Variants in DHTKD1 observed in about 807,000 individuals in gnomAD.
DHTKD1 encodes the protein 2-oxoadipate dehydrogenase complex component E1.
Under a neutral mutation model 101.8 loss-of-function variants are expected in DHTKD1, and 78 were observed. That is an observed-to-expected ratio of 0.77 (90% CI 0.64 to 0.93). DHTKD1 has a LOEUF of 0.93. DHTKD1 is among the 40% of genes least tolerant of loss of function. The pLI is 0.00. For synonymous variants in DHTKD1, 462 were observed against 450.3 expected (o/e 1.03, Z -0.33); for missense variants, 1,223 against 1,161.7 (o/e 1.05, Z -0.77).
chr10:12,075,501 A>G (rs1414857033), intron 1 of DHTKD1, among the ~76,000 whole-genome samples: 4 of 152,038 alleles, frequency 2.6e-5, no homozygotes, highest in Non-Finnish European at 5.9e-5. Flanking sequence ...CGGTCTACCA[A>G]AGTGCTGGGA....
chr10:12,112,756 T>G, intron 12 of DHTKD1, 144 bp from the exon 13 acceptor site: 1 of 761,450 alleles, frequency 1.3e-6, no homozygotes, highest in Non-Finnish European at 2.0e-6. Flanking sequence ...TAAATTCACC[T>G]GCTGATATTT....
At position 12,081,460 on chromosome 10, in the gene DHTKD1, C is replaced by T. The variant is rs1462734282; in HGVS notation, c.155-12C>T. 6.2e-7 allele frequency: 1 copy of T among 1,612,970 alleles called. No homozygotes were observed. The highest frequency in any genetic ancestry group is 1.1e-5 in the South Asian group (1 of 91,028). On this transcript the variant is annotated splice_polypyrimidine_tract_variant and intron_variant, in intron 1 of 16. Transcript: ENST00000263035. ...TAAACTGTTTGCATTTTTAAATTTTCCCCTGATTTAGTTGATCATGGCCTT... is the reference window on the plus strand; with the variant it reads ...TAAACTGTTTGCATTTTTAAATTTTTCCCTGATTTAGTTGATCATGGCCTT...
intron 14 of DHTKD1, among the ~76,000 whole-genome samples, chr10:12,118,476 G>A (rs1426708559): frequency 2.0e-5 from 3 of 149,730 alleles, no homozygotes; most frequent in Non-Finnish European, 3.0e-5. Context: ...TCCGCCTCCC[G>A]GGTTCACGCC....
At chr10:12,074,172 TTTTTG>T (rs71382614) in intron 1 of DHTKD1, among the ~76,000 whole-genome samples, 270 of 150,534 alleles carry the variant, frequency 1.8e-3, no homozygotes, top group African/African-American at 5.0e-3. Flanking sequence ...AAAGTTTTGC[TTTTTG>T]TTTTGTTTTG....
intron 12 of DHTKD1, among the ~76,000 whole-genome samples, chr10:12,108,726 A>G (rs1833285688): frequency 6.6e-6 from 1 of 152,210 alleles, no homozygotes; most frequent in Non-Finnish European, 1.5e-5. Flanking sequence ...GAAAGAATTT[A>G]CTGTGAATAC....
At chr10:12,119,415 A>G (rs541401816) in intron 15 of DHTKD1, among the ~76,000 whole-genome samples, 2 of 151,198 alleles carry the variant, frequency 1.3e-5, no homozygotes, top group African/African-American at 4.9e-5. Context: ...GGAGATCAAG[A>G]CCATCCTGGC....
At chr10:12,119,624 A>G (rs929305935) in intron 15 of DHTKD1, among the ~76,000 whole-genome samples, 6 of 151,556 alleles carry the variant, frequency 4.0e-5, no homozygotes, top group African/African-American at 7.3e-5. Context: ...TCAAAAAAAA[A>G]AAAAAAAAAA....
chr10:12,091,726 T>G (rs371139215), intron 6 of DHTKD1, 42 bp downstream of exon 6: 159 of 1,591,000 alleles, frequency 1.0e-4, no homozygotes, highest in Non-Finnish European at 1.3e-4. Context: ...GAAGCCGACA[T>G]GGAATTCCTA....
At chr10:12,115,799 G>A (rs952720176) in intron 13 of DHTKD1, among the ~76,000 whole-genome samples, 1 of 151,682 alleles carries the variant, frequency 6.6e-6, no homozygotes, top group Non-Finnish European at 1.5e-5. Flanking sequence ...TGAGAGTCTC[G>A]CTTTGTTGCC....
chr10:12,083,330 A>C (rs1588605054), intron 2 of DHTKD1, among the ~76,000 whole-genome samples: 1 of 152,314 alleles, frequency 6.6e-6, no homozygotes, highest in Admixed American at 6.5e-5. Flanking sequence ...AAGAAAGTTT[A>C]TTCATTTGTG....
At chr10:12,114,760 C>T (rs1339522581) in intron 13 of DHTKD1, among the ~76,000 whole-genome samples, 1 of 125,320 alleles carries the variant, frequency 8.0e-6, no homozygotes, top group African/African-American at 3.0e-5. Flanking sequence ...TTTGCTTCCA[C>T]CCCTTGGTTG....
intron 1 of DHTKD1, among the ~76,000 whole-genome samples, chr10:12,079,998 T>TG (rs1393432472): frequency 4.6e-5 from 7 of 152,008 alleles, no homozygotes; most frequent in African/African-American, 1.7e-4. Context: ...AGGTGTGCTT[T>TG]GGCTGGGTGA....
intron 13 of DHTKD1, among the ~76,000 whole-genome samples, chr10:12,117,399 C>T (rs967096779): frequency 8.3e-5 from 12 of 143,730 alleles, no homozygotes; most frequent in Admixed American, 3.7e-4. Flanking sequence ...GTTGCCCAGG[C>T]GGGTCTTGAA....
At position 12,091,563 on chromosome 10, in the gene DHTKD1, C is replaced by T. The variant is rs772738320; in HGVS notation, c.1038C>T (p.Phe346=). 2 of 1,612,836 alleles carry T rather than the reference C, an allele frequency of 1.2e-6. No individual in the cohort carries two copies. Among genetic ancestry groups the T allele is most frequent in the Admixed American group, 1.7e-5 (1 of 59,946 alleles). Residue 346 remains phenylalanine (F), a synonymous_variant, in exon 6 of 17, where the codon TTC becomes TTT. Coordinates refer to ENST00000263035, the MANE Select transcript of DHTKD1 (RefSeq NM_018706.7). ...GTCAAGGGATTGTTCCTGAAACATT[C>T]ACGCTGTCCAATCTCCCACATTTCA... ...FCGQGIVPET[F]TLSNLPHFRI... is the part of the protein sequence containing the mutation.
chr10:12,099,548 C>T (rs962437813), intron 8 of DHTKD1, among the ~76,000 whole-genome samples: 3 of 151,972 alleles, frequency 2.0e-5, no homozygotes, highest in African/African-American at 4.8e-5. Context: ...ATTAGCTGGG[C>T]GTGGTGGTGT....
At chr10:12,078,928 G>A (rs1832773737) in intron 1 of DHTKD1, among the ~76,000 whole-genome samples, 1 of 152,140 alleles carries the variant, frequency 6.6e-6, no homozygotes, top group South Asian at 2.1e-4. Flanking sequence ...GCCTCTAAGG[G>A]GACGTTTTCA....
chr10:12,111,227 G>A (rs555175464), intron 12 of DHTKD1, among the ~76,000 whole-genome samples: 3 of 152,192 alleles, frequency 2.0e-5, no homozygotes, highest in Admixed American at 2.0e-4. Flanking sequence ...GTGCAATGCT[G>A]CAGTCTTGGC....
At chr10:12,095,826 AAAAAAAAG>A (rs1327747152) in intron 7 of DHTKD1, among the ~76,000 whole-genome samples, 30 of 136,972 alleles carry the variant, frequency 2.2e-4, no homozygotes, top group Admixed American at 1.4e-3. Flanking sequence ...AAAAAAAAAA[AAAAAAAAG>A]AAAAGAAAAG....
intron 13 of DHTKD1, among the ~76,000 whole-genome samples, chr10:12,117,022 G>A (rs751789736): frequency 7.4e-5 from 11 of 149,132 alleles, no homozygotes; most frequent in Middle Eastern, 3.6e-3. Context: ...GTTTTGTTTC[G>A]GATGAGGTCT....
Sources: gnomAD v4.1 joint callset for allele counts (sites outside exome capture counted in the v4.1 genomes callset) on GRCh38, gnomAD v4.1.1 for gene constraint, MANE v1.5 for transcripts, NCBI Gene and HGNC (gene_info 2026-07-23, HGNC 2026-07-21) for gene names.